ZFP14: variants seen among roughly 807,000 people sequenced by gnomAD.
ZFP14 encodes the protein ZFP14 zinc finger protein.
In ZFP14, 22 loss-of-function variants were observed where a neutral mutation model predicts 54.5. The observed-to-expected ratio is 0.40, with a 90% CI of 0.29 to 0.58. ZFP14 has a LOEUF of 0.58. ZFP14 is among the 20% of genes least tolerant of loss of function. ZFP14 has a pLI of 0.39. For synonymous variants in ZFP14, 159 were observed against 204.0 expected (o/e 0.78, Z 1.88); for missense variants, 470 against 637.8 (o/e 0.74, Z 2.83).
intron 2 of ZFP14, among the ~76,000 whole-genome samples, chr19:36,363,643 C>T (rs757992175): frequency 6.6e-6 from 1 of 152,102 alleles, no homozygotes; most frequent in Non-Finnish European, 1.5e-5. Context: ...CACTGTTAGA[C>T]ATCCTACAAT....
Position 36,339,918 on chromosome 19 carries a change from A to G in ZFP14, c.*306T>C, listed in dbSNP as rs2031278428. On this transcript the variant is annotated 3_prime_UTR_variant, in exon 5 of 5. Coordinates refer to ENST00000270001, the MANE Select transcript of ZFP14 (RefSeq NM_020917.3). ...ATATAAGTACTATTATTACCATTTT[A>G]CAAGTCAGCAAAATGAGGCACAGAA... 1 of 245,678 alleles carries G rather than the reference A, an allele frequency of 4.1e-6. No homozygotes were observed. The highest frequency in any genetic ancestry group is 1.0e-4 in the South Asian group (1 of 9,556). The allele number at this position is 245,678 out of a possible 1,614,324, so 15.2% of individuals were successfully genotyped here.
At chr19:36,354,176 G>T (rs2031575995) in intron 4 of ZFP14, among the ~76,000 whole-genome samples, 1 of 138,194 alleles carries the variant, frequency 7.2e-6, no homozygotes, top group African/African-American at 2.7e-5. Flanking sequence ...TTCAAGACCA[G>T]CCTGGCCAAC....
At position 36,362,150 on chromosome 19, in the gene ZFP14, T is replaced by A. The variant is rs1269066041; in HGVS notation, c.98A>T (p.Asp33Val). 4 of 1,610,868 alleles carry A rather than the reference T, an allele frequency of 2.5e-6. No individual in the cohort carries two copies. Among genetic ancestry groups the A allele is most frequent in the Non-Finnish European group, 3.4e-6 (4 of 1,178,684 alleles). The change falls in exon 3 of 5, where the codon GAT (aspartate) becomes GTT (valine). Residue 33 changes from aspartate (D) to valine (V), a missense_variant. Transcript: ENST00000270001. Reference protein sequence around the residue: ...LDPAQRDLYRDVMWENYSNFI... With the variant: ...LDPAQRDLYRVVMWENYSNFI... ...GTTGCTGTAGTTCTCCCACATTACA[T>A]CCCTATATAAGTCCCTCTGAGCAGG...
At chr19:36,356,401 G>A (rs752047156) in intron 4 of ZFP14, among the ~76,000 whole-genome samples, 51 of 151,310 alleles carry the variant, frequency 3.4e-4, no homozygotes, top group Non-Finnish European at 6.2e-4. Flanking sequence ...GCACTCCAGC[G>A]TGGGTGACAG....
At chr19:36,372,207 AG>A (rs1365269239) in intron 1 of ZFP14, among the ~76,000 whole-genome samples, 1 of 152,110 alleles carries the variant, frequency 6.6e-6, no homozygotes, top group Non-Finnish European at 1.5e-5. Flanking sequence ...GTAAGTATCC[AG>A]GTATGGCCCA....
At chr19:36,369,347 T>C (rs1039834859) in intron 1 of ZFP14, among the ~76,000 whole-genome samples, 1 of 152,194 alleles carries the variant, frequency 6.6e-6, no homozygotes, top group Admixed American at 6.5e-5. Flanking sequence ...GTTGCCAACA[T>C]TTGTTTTGAA....
chr19:36,352,298 CAAG>C (rs1018187155), intron 4 of ZFP14, among the ~76,000 whole-genome samples: 1 of 141,740 alleles, frequency 7.1e-6, no homozygotes, highest in African/African-American at 2.6e-5. Flanking sequence ...AAGGCAACCA[CAAG>C]AAGAAAAATA....
intron 4 of ZFP14, among the ~76,000 whole-genome samples, chr19:36,349,039 C>A (rs891048823): frequency 5.4e-5 from 8 of 149,470 alleles, no homozygotes; most frequent in Non-Finnish European, 1.0e-4. Context: ...ACCAGCCTGG[C>A]CAACGTGGTG....
rs1441052621 is a variant in ZFP14 at position 36,340,049 on chromosome 19, T to C, written c.*175A>G. The C allele has an allele frequency of 3.4e-6, 2 of 591,362 alleles. No homozygotes were observed. The highest frequency in any genetic ancestry group is 6.2e-5 in the East Asian group (2 of 32,232). 36.6% of individuals were successfully genotyped at this position (591,362 alleles called of 1,614,324 possible). On this transcript the variant is annotated 3_prime_UTR_variant, in exon 5 of 5. Transcript: ENST00000270001. The surrounding 1 kb of genome is among the most constrained non-coding windows in gnomAD (Gnocchi z 5.4). The stretch of plus-strand genomic sequence containing the variant: ...CTACATTCATTACATTATTCTCTCA[T>C]AGGAATTTGCTGAAGATAAACCATG...
intron 1 of ZFP14, among the ~76,000 whole-genome samples, chr19:36,371,156 G>A (rs1005067037): frequency 1.3e-5 from 2 of 152,090 alleles, no homozygotes; most frequent in African/African-American, 2.4e-5. Flanking sequence ...CCAGCTACTC[G>A]GGAGGCTGAG....
rs778311007 is a variant in ZFP14, at chr19:36,362,246, A to G, written c.10-8T>C. 14 of 1,581,608 alleles carry G rather than the reference A, an allele frequency of 8.9e-6. No individual in the cohort carries two copies. In the South Asian group the frequency reaches 1.5e-4, roughly 17 times the overall value. ...CCTGAATGTCACTGAACCCTGAAAA[A>G]ACAAACTCAGGTATTACTTGTGAAA... On this transcript the variant is annotated splice_polypyrimidine_tract_variant and splice_region_variant and intron_variant, in intron 2 of 4. Coordinates refer to ENST00000270001, the MANE Select transcript of ZFP14 (RefSeq NM_020917.3).
At chr19:36,378,569 A>G (rs1259028633) in intron 1 of ZFP14, 1 of 151,958 alleles carries the variant, frequency 6.6e-6, no homozygotes, top group Non-Finnish European at 1.5e-5. Flanking sequence ...GGAAACACAA[A>G]CTCATCTGGA....
intron 2 of ZFP14, among the ~76,000 whole-genome samples, chr19:36,365,069 G>A (rs568060602): frequency 1.2e-3 from 148 of 123,924 alleles, no homozygotes; most frequent in African/African-American, 4.5e-3. Context: ...AGGCTGGAGT[G>A]CAGTGATGTG....
chr19:36,372,018 A>C (rs1003279473), intron 1 of ZFP14, among the ~76,000 whole-genome samples: 4 of 141,248 alleles, frequency 2.8e-5, no homozygotes, highest in African/African-American at 1.1e-4. Flanking sequence ...GAGGGAAGGA[A>C]GGAAGGAAGG....
chr19:36,365,584 C>T (rs543247434), intron 2 of ZFP14, among the ~76,000 whole-genome samples: 2 of 152,086 alleles, frequency 1.3e-5, no homozygotes, highest in South Asian at 2.1e-4. Flanking sequence ...AAAACATCTG[C>T]AGATGGTTCC....
intron 4 of ZFP14, among the ~76,000 whole-genome samples, chr19:36,346,870 C>T (rs925371853): frequency 3.9e-5 from 6 of 152,182 alleles, no homozygotes; most frequent in Non-Finnish European, 8.8e-5. Context: ...GTAGAGATAA[C>T]GTCTCTGTCT....
In ZFP14 at chr19:36,337,779, T is replaced by C. The variant is rs1007710119; in HGVS notation, c.*2445A>G. On this transcript the variant is annotated 3_prime_UTR_variant, in exon 5 of 5. Transcript: ENST00000270001. Reference sequence around the variant, plus strand: ...AGTGTGTTGTCTGATAGACCCATTTTTATTAAGGTTAAAACAGATCAAAGG... The same window carrying C: ...AGTGTGTTGTCTGATAGACCCATTTCTATTAAGGTTAAAACAGATCAAAGG... 2.0e-5 allele frequency: 3 copies of C among 152,142 alleles called. No individual in the cohort carries two copies. The highest frequency in any genetic ancestry group is 1.5e-5 in the Non-Finnish European group (1 of 68,020). The allele number at this position is 152,142 out of a possible 1,614,324, so 9.4% of individuals were successfully genotyped here. A position where few individuals can be genotyped will look rare whatever the true frequency, so the allele number is the denominator to read the frequency against.
intron 1 of ZFP14, among the ~76,000 whole-genome samples, chr19:36,373,977 GA>G (rs927194101): frequency 6.0e-5 from 9 of 149,034 alleles, no homozygotes; most frequent in African/African-American, 2.2e-4. Flanking sequence ...AAAAAGAAAA[GA>G]AAAAAATGAA....
rs2145535096 is a variant in ZFP14, at chr19:36,337,370, G to A, written c.*2854C>T. The A allele has an allele frequency of 6.6e-6, 1 of 150,942 alleles. No homozygotes were observed. The highest frequency in any genetic ancestry group is 1.5e-5 in the Non-Finnish European group (1 of 67,810). The allele number at this position is 150,942 out of a possible 1,614,324, so 9.4% of individuals were successfully genotyped here. On this transcript the variant is annotated 3_prime_UTR_variant, in exon 5 of 5. Coordinates refer to ENST00000270001, the MANE Select transcript of ZFP14 (RefSeq NM_020917.3). ...TTATAGCCAGCCCTCCATATGTGCA[G>A]ATTCAACCAATCTCAAATAGAAAAT... is the stretch of plus-strand genomic sequence containing the variant.
Sources: allele counts gnomAD v4.1 joint callset (sites outside exome capture counted in the v4.1 genomes callset), GRCh38; gene constraint gnomAD v4.1.1; non-coding constraint Gnocchi (gnomAD v3.1); transcripts MANE v1.5; gene names NCBI Gene and HGNC (gene_info 2026-07-23, HGNC 2026-07-21).